FCHSD2: variants seen among roughly 807,000 people sequenced by gnomAD.
FCHSD2 encodes the protein F-BAR and double SH3 domains protein 2.
Under a neutral mutation model 108.1 loss-of-function variants are expected in FCHSD2, and 38 were observed. The observed-to-expected ratio is 0.35, with a 90% CI of 0.27 to 0.46. FCHSD2 has a LOEUF of 0.46. Among genes scored for constraint, FCHSD2 ranks in the 20% least tolerant of loss-of-function variants. FCHSD2 has a pLI of 1.00. For synonymous variants in FCHSD2, 279 were observed against 314.7 expected (o/e 0.89, Z 1.20); for missense variants, 751 against 897.8 (o/e 0.84, Z 2.09).
intron 8 of FCHSD2, among the ~76,000 whole-genome samples, chr11:72,972,237 T>C (rs1479118164): frequency 6.6e-6 from 1 of 152,230 alleles, no homozygotes; most frequent in African/African-American, 2.4e-5. Flanking sequence ...CTGTTAGACC[T>C]GTCCACTGAA....
At chr11:72,970,809 G>C (rs1354837661) in intron 8 of FCHSD2, among the ~76,000 whole-genome samples, 1 of 152,120 alleles carries the variant, frequency 6.6e-6, no homozygotes, top group Non-Finnish European at 1.5e-5. Context: ...TTGGGGTTAG[G>C]TATACAAAAT....
chr11:73,128,134 A>C (rs1213048627), intron 2 of FCHSD2, among the ~76,000 whole-genome samples: 1 of 152,206 alleles, frequency 6.6e-6, no homozygotes, highest in East Asian at 1.9e-4. Flanking sequence ...AAGAGGCCAA[A>C]ATACAAAAAC....
At chr11:73,083,428 A>T (rs1285168038) in intron 3 of FCHSD2, among the ~76,000 whole-genome samples, 1 of 152,170 alleles carries the variant, frequency 6.6e-6, no homozygotes, top group Non-Finnish European at 1.5e-5. Flanking sequence ...ACACACCTGT[A>T]GTCCCAGCTA....
intron 8 of FCHSD2, among the ~76,000 whole-genome samples, chr11:72,941,389 T>C (rs1055884696): frequency 6.6e-6 from 1 of 151,012 alleles, no homozygotes; most frequent in Non-Finnish European, 1.5e-5. Context: ...ACTTAAATTA[T>C]AATTTATATA....
At chr11:72,901,920 G>A (rs570700674) in intron 10 of FCHSD2, among the ~76,000 whole-genome samples, 1 of 152,018 alleles carries the variant, frequency 6.6e-6, no homozygotes, top group African/African-American at 2.4e-5. Flanking sequence ...TGTCATCCAG[G>A]CTGGAGTGCA....
chr11:72,862,259 T>C lies in FCHSD2; in HGVS notation c.1308+5606A>G, dbSNP rs74918179. Reference sequence around the variant, plus strand: ...TCACCACTTCTATTCAGCAATTTTATAGTAAGAAGGAAAAAGGAATCCAAA... The same window carrying C: ...TCACCACTTCTATTCAGCAATTTTACAGTAAGAAGGAAAAAGGAATCCAAA... On this transcript the variant is annotated intron_variant, in intron 13 of 19. Coordinates refer to ENST00000409418, the MANE Select transcript of FCHSD2 (RefSeq NM_014824.3). Among the ~76,000 whole-genome samples the C allele has an allele frequency of 9.1e-3, 1,391 of 152,236 alleles. 15 individuals carry two copies. The highest frequency in any genetic ancestry group is 0.016 in the Non-Finnish European group (1,067 of 68,014).
intron 8 of FCHSD2, among the ~76,000 whole-genome samples, chr11:72,951,091 A>G (rs1856612468): frequency 6.6e-6 from 1 of 152,240 alleles, no homozygotes; most frequent in Non-Finnish European, 1.5e-5. Context: ...CTGCTATCTG[A>G]GTCTCTGAAT....
At chr11:73,058,528 A>T (rs1859085660) in intron 3 of FCHSD2, among the ~76,000 whole-genome samples, 1 of 152,114 alleles carries the variant, frequency 6.6e-6, no homozygotes, top group African/African-American at 2.4e-5. Context: ...TTTATTTTTA[A>T]CAAAACTTCT....
At chr11:73,022,618 C>G (rs531161448) in intron 3 of FCHSD2, among the ~76,000 whole-genome samples, 2 of 152,142 alleles carry the variant, frequency 1.3e-5, no homozygotes, top group Admixed American at 1.3e-4. Flanking sequence ...GAGAGACATT[C>G]CATGTTAATG....
At chr11:73,093,911 T>A (rs1860016169) in intron 2 of FCHSD2, among the ~76,000 whole-genome samples, 1 of 149,226 alleles carries the variant, frequency 6.7e-6, no homozygotes, top group Admixed American at 6.7e-5. Flanking sequence ...AGCTGATGAA[T>A]GTTAAGAATA....
At chr11:72,846,782 C>T (rs1019787593) in intron 14 of FCHSD2, among the ~76,000 whole-genome samples, 2 of 152,030 alleles carry the variant, frequency 1.3e-5, no homozygotes, top group East Asian at 1.9e-4. Flanking sequence ...ACATGTTCAT[C>T]GTAGAAAAGC....
At chr11:73,019,047 T>G (rs569639019) in intron 3 of FCHSD2, among the ~76,000 whole-genome samples, 2 of 152,270 alleles carry the variant, frequency 1.3e-5, no homozygotes, top group South Asian at 4.1e-4. Context: ...AGTGGCAAAA[T>G]GTGATATAAG....
At chr11:72,973,875 C>G (rs1056615517) in intron 8 of FCHSD2, among the ~76,000 whole-genome samples, 1 of 152,186 alleles carries the variant, frequency 6.6e-6, no homozygotes, top group African/African-American at 2.4e-5. Flanking sequence ...AACAGCTGAA[C>G]TGAGTAACCA....
chr11:72,986,183 G>C (rs1043546195), intron 6 of FCHSD2, among the ~76,000 whole-genome samples: 2 of 152,090 alleles, frequency 1.3e-5, no homozygotes, highest in Admixed American at 6.5e-5. Context: ...TTTTTACCTT[G>C]TCATAGTCAT....
chr11:72,989,217 G>C lies in FCHSD2; in HGVS notation c.388-120C>G. 4 of 657,504 alleles carry C rather than the reference G, an allele frequency of 6.1e-6. No homozygotes were observed. In the South Asian group the frequency reaches 1.1e-4, roughly 18 times the overall value. 40.7% of individuals were successfully genotyped at this position (657,504 alleles called of 1,614,324 possible). A position where few individuals can be genotyped will look rare whatever the true frequency, so the allele number is the denominator to read the frequency against. Reference sequence around the variant, plus strand: ...GGAAATCCAGGGGAAAAGTCAGTACGTTCAGTGTCCTTCAAATTGCAGATT... The same window carrying C: ...GGAAATCCAGGGGAAAAGTCAGTACCTTCAGTGTCCTTCAAATTGCAGATT... On this transcript the variant is annotated intron_variant, in intron 5 of 19. Transcript: ENST00000409418.
intron 3 of FCHSD2, among the ~76,000 whole-genome samples, chr11:73,037,818 T>C (rs1216600859): frequency 1.3e-5 from 2 of 152,240 alleles, no homozygotes; most frequent in African/African-American, 4.8e-5. Context: ...ACACTTGTTA[T>C]GCATAGAGCA....
intron 2 of FCHSD2, among the ~76,000 whole-genome samples, chr11:73,106,944 T>C (rs1015499363): frequency 6.6e-6 from 1 of 152,300 alleles, no homozygotes; most frequent in East Asian, 1.9e-4. Context: ...CACATACCTG[T>C]ATTGTGGAAA....
At chr11:73,092,514 A>T (rs1166029044) in intron 2 of FCHSD2, among the ~76,000 whole-genome samples, 1 of 152,192 alleles carries the variant, frequency 6.6e-6, no homozygotes, top group Non-Finnish European at 1.5e-5. Context: ...CCTTGAGAGC[A>T]TTTAAGTATA....
At chr11:72,846,181 CTT>C (rs35708688) in intron 14 of FCHSD2, among the ~76,000 whole-genome samples, 18 of 137,114 alleles carry the variant, frequency 1.3e-4, no homozygotes, top group East Asian at 2.1e-4. Context: ...TCCTTTTGCT[CTT>C]TTTTTTTTTT....
Sources: allele counts gnomAD v4.1 joint callset (sites outside exome capture counted in the v4.1 genomes callset), GRCh38; gene constraint gnomAD v4.1.1; transcripts MANE v1.5; gene names NCBI Gene and HGNC (gene_info 2026-07-23, HGNC 2026-07-21).